Variants in NEK7 observed in about 807,000 individuals in gnomAD.
NEK7 encodes the protein NIMA related kinase 7.
In NEK7, 18 loss-of-function variants were observed where a neutral mutation model predicts 44.6. The ratio of observed to expected loss-of-function variants is 0.40; its 90% CI spans 0.28 to 0.60. The LOEUF (loss-of-function observed/expected upper bound fraction) is 0.60, where lower values mean the gene tolerates loss of function less well. NEK7 is among the 20% of genes least tolerant of loss of function. The probability of loss-of-function intolerance (pLI) is 0.38; values close to 1 mark genes in which losing one functional copy is unlikely to be tolerated. For missense variants in NEK7, 256 were observed against 366.5 expected, an observed-to-expected ratio of 0.70 and a Z score of 2.46; for synonymous variants, 130 against 121.1, an observed-to-expected ratio of 1.07 and a Z score of -0.48.
At chr1:198,280,338 A>T (rs892856139) in intron 7 of NEK7, among the ~76,000 whole-genome samples, 3 of 152,100 alleles carry the variant, frequency 2.0e-5, no homozygotes, top group African/African-American at 7.2e-5. Flanking sequence ...ATGTCATAAA[A>T]GCATTCTGTC....
intron 1 of NEK7, among the ~76,000 whole-genome samples, chr1:198,171,553 C>T (rs904689957): frequency 6.6e-6 from 1 of 152,010 alleles, no homozygotes; most frequent in African/African-American, 2.4e-5. Context: ...GTGGCGCACT[C>T]CTGTAATCCC....
chr1:198,157,599 G>C (rs1254940358), intron 1 of NEK7, among the ~76,000 whole-genome samples: 1 of 152,236 alleles, frequency 6.6e-6, no homozygotes, highest in Admixed American at 6.5e-5. Context: ...TTGGTTTCGG[G>C]ACCCGAGGAA....
In NEK7 at chr1:198,312,628, T is replaced by C. The variant is rs567701112; in HGVS notation, c.799-6784T>C. Among the ~76,000 whole-genome samples, 10 of 150,758 alleles carry C rather than the reference T, an allele frequency of 6.6e-5. No homozygotes were observed. In the East Asian group the frequency reaches 2.2e-3, roughly 33 times the overall value. On this transcript the variant is annotated intron_variant, in intron 9 of 9. Coordinates refer to ENST00000367385, the MANE Select transcript of NEK7 (RefSeq NM_133494.3). The stretch of plus-strand genomic sequence containing the variant: ...GCTTTAAATGAGTCCCAGAGATTCT[T>C]GTATGTTGTGTCTTTGTTCTCGTTG...
At chr1:198,235,181 A>AT (rs1666513124) in intron 2 of NEK7, among the ~76,000 whole-genome samples, 1 of 152,168 alleles carries the variant, frequency 6.6e-6, no homozygotes, top group Admixed American at 6.5e-5. Context: ...TTATAATGAT[A>AT]AGTGATGTAT....
intron 2 of NEK7, among the ~76,000 whole-genome samples, chr1:198,241,494 A>G (rs533330776): frequency 3.3e-4 from 51 of 152,348 alleles, no homozygotes; most frequent in African/African-American, 1.2e-3. Context: ...TTTAGAACCA[A>G]TAAATGGAAT....
chr1:198,309,522 G>T (rs1222787965), intron 9 of NEK7, among the ~76,000 whole-genome samples: 1 of 151,974 alleles, frequency 6.6e-6, no homozygotes, highest in East Asian at 1.9e-4. Context: ...ATGTATACAT[G>T]TGCCATGCTG....
chr1:198,244,729 G>A (rs1201441200), intron 2 of NEK7, among the ~76,000 whole-genome samples: 1 of 151,572 alleles, frequency 6.6e-6, no homozygotes, highest in African/African-American at 2.4e-5. Context: ...TTGTATTTTG[G>A]GCCTTTTACA....
intron 3 of NEK7, among the ~76,000 whole-genome samples, chr1:198,261,023 A>C (rs1386088104): frequency 1.3e-5 from 2 of 151,966 alleles, no homozygotes; most frequent in Non-Finnish European, 2.9e-5. Context: ...TATCTAGAAA[A>C]AGTTGCCTCT....
At chr1:198,308,105 GT>G (rs1655068724) in intron 9 of NEK7, among the ~76,000 whole-genome samples, 2 of 152,008 alleles carry the variant, frequency 1.3e-5, no homozygotes, top group African/African-American at 4.8e-5. Context: ...TATATGGAAG[GT>G]TTTGTAAAAT....
chr1:198,301,734 A>C (rs1204620273), intron 9 of NEK7, among the ~76,000 whole-genome samples: 1 of 152,228 alleles, frequency 6.6e-6, no homozygotes, highest in African/African-American at 2.4e-5. Flanking sequence ...ATTGAGGACT[A>C]AAAACAATGC....
At chr1:198,162,535 A>G (rs1040084213) in intron 1 of NEK7, among the ~76,000 whole-genome samples, 4 of 152,126 alleles carry the variant, frequency 2.6e-5, no homozygotes, top group Admixed American at 2.0e-4. Context: ...ATACCTTTGT[A>G]AATGTATGGT....
intron 1 of NEK7, among the ~76,000 whole-genome samples, chr1:198,209,580 T>A (rs1009916568): frequency 5.3e-5 from 8 of 152,214 alleles, no homozygotes; most frequent in Non-Finnish European, 1.2e-4. Context: ...TTTTTGAGTC[T>A]TAGTTTTTCA....
chr1:198,284,947 A>C (rs1312333255), intron 7 of NEK7, among the ~76,000 whole-genome samples: 1 of 152,270 alleles, frequency 6.6e-6, no homozygotes, highest in East Asian at 1.9e-4. Context: ...ATTTTAAAGC[A>C]CGTTTTCTCC....
At chr1:198,238,211 G>A (rs1360679450) in intron 2 of NEK7, among the ~76,000 whole-genome samples, 15 of 151,978 alleles carry the variant, frequency 9.9e-5, no homozygotes, top group Admixed American at 9.8e-4. Context: ...CCAGGACACT[G>A]CTTCCCCTGT....
chr1:198,232,777 ATT>A (rs3084926), intron 2 of NEK7, 140 bp downstream of exon 2: 116,810 of 382,716 alleles, frequency 0.31, 13,380 homozygotes, highest in East Asian at 0.6. Context: ...TTTAATCAGC[ATT>A]TTTTTTTTTT....
chr1:198,274,227 C>T (rs1653945699), intron 5 of NEK7, among the ~76,000 whole-genome samples: 1 of 146,964 alleles, frequency 6.8e-6, no homozygotes, highest in Non-Finnish European at 1.5e-5. Flanking sequence ...TCTTCAAAAA[C>T]ACCTTGCACA....
At chr1:198,301,197 G>C (rs1654870066) in intron 9 of NEK7, among the ~76,000 whole-genome samples, 1 of 152,124 alleles carries the variant, frequency 6.6e-6, no homozygotes, top group South Asian at 2.1e-4. Flanking sequence ...AAAATTCCTA[G>C]TTTAAATAGA....
chr1:198,209,113 AATATACAC>A (rs1665690986), intron 1 of NEK7, among the ~76,000 whole-genome samples: 1 of 146,028 alleles, frequency 6.8e-6, no homozygotes, highest in Non-Finnish European at 1.5e-5. Context: ...ACACACATGT[AATATACAC>A]ATATATACAC....
At chr1:198,262,688 AT>A (rs1366295714) in intron 4 of NEK7, 51 bp downstream of exon 4, 1 of 1,080,418 alleles carries the variant, frequency 9.3e-7, no homozygotes, top group East Asian at 2.4e-5. Context: ...GATAAAAGTG[AT>A]TTACTAAAAT....
Sources: allele counts gnomAD v4.1 joint callset (sites outside exome capture counted in the v4.1 genomes callset), GRCh38; gene constraint gnomAD v4.1.1; transcripts MANE v1.5; gene names NCBI Gene and HGNC (gene_info 2026-07-23, HGNC 2026-07-21).